MSR1: variants seen among roughly 807,000 people sequenced by gnomAD.
The protein encoded by MSR1 is macrophage scavenger receptor 1, also known as macrophage scavenger receptor types I and II.
Under a neutral mutation model 47.2 loss-of-function variants are expected in MSR1, and 53 were observed. The ratio of observed to expected loss-of-function variants is 1.12; its 90% CI spans 0.90 to 1.41. MSR1 has a LOEUF of 1.41. MSR1 is among the 40% of genes most tolerant of loss of function. The probability of loss-of-function intolerance (pLI) is 0.00; values close to 1 mark genes in which losing one functional copy is unlikely to be tolerated. For missense variants in MSR1, 786 were observed against 546.9 expected, an observed-to-expected ratio of 1.44 and a Z score of -4.36; for synonymous variants, 239 against 185.6, an observed-to-expected ratio of 1.29 and a Z score of -2.34.
intron 9 of MSR1, among the ~76,000 whole-genome samples, chr8:16,117,605 A>G (rs1167842148): frequency 6.6e-6 from 1 of 152,172 alleles, no homozygotes; most frequent in Non-Finnish European, 1.5e-5. Flanking sequence ...CTTTCGAAGC[A>G]GAATATCCTG....
intron 8 of MSR1, among the ~76,000 whole-genome samples, chr8:16,142,288 G>A (rs919145012): frequency 6.6e-6 from 1 of 152,058 alleles, no homozygotes; most frequent in Non-Finnish European, 1.5e-5. Flanking sequence ...CCGAGATGGT[G>A]CCACTGCACT....
chr8:16,136,611 G>A (rs1800396833), intron 8 of MSR1, among the ~76,000 whole-genome samples: 1 of 151,938 alleles, frequency 6.6e-6, no homozygotes, highest in African/African-American at 2.4e-5. Flanking sequence ...ATGGAATGCT[G>A]CATTTTTTTT....
chr8:16,129,017 C>T (rs1034957543), intron 8 of MSR1, among the ~76,000 whole-genome samples: 17 of 151,926 alleles, frequency 1.1e-4, no homozygotes, highest in African/African-American at 3.6e-4. Context: ...GGGAAGAGTT[C>T]GAGGTGGAAG....
At chr8:16,119,778 G>C (rs1799953929) in intron 9 of MSR1, among the ~76,000 whole-genome samples, 1 of 151,486 alleles carries the variant, frequency 6.6e-6, no homozygotes, top group Admixed American at 6.6e-5. Context: ...CGTGACCATA[G>C]CTCATGTAAC....
intron 1 of MSR1, among the ~76,000 whole-genome samples, chr8:16,191,563 A>T (rs961645163): frequency 2.0e-5 from 3 of 146,536 alleles, no homozygotes; most frequent in African/African-American, 8.1e-5. Flanking sequence ...TTCTCACGGA[A>T]TCTTCATGAG....
At chr8:16,171,228 C>CAAAAAAAA (rs34662759) in intron 3 of MSR1, among the ~76,000 whole-genome samples, 6 of 75,432 alleles carry the variant, frequency 8.0e-5, no homozygotes, top group African/African-American at 2.9e-4. Flanking sequence ...GACTCAGTCT[C>CAAAAAAAA]AAAAAAAAAA....
chr8:16,172,552 C>T (rs1429205760), intron 3 of MSR1, among the ~76,000 whole-genome samples: 2 of 152,066 alleles, frequency 1.3e-5, no homozygotes, highest in Non-Finnish European at 2.9e-5. Context: ...TGTGCAACAA[C>T]CTACGGACAG....
intron 8 of MSR1, among the ~76,000 whole-genome samples, chr8:16,139,162 T>G (rs893514786): frequency 1.3e-5 from 2 of 152,224 alleles, no homozygotes; most frequent in African/African-American, 4.8e-5. Context: ...ATCTTTTCTT[T>G]TTCTCGAGCA....
chr8:16,117,034 C>A lies in MSR1; in HGVS notation c.1222+3384G>T, dbSNP rs115625457. 2.4e-3 allele frequency among the ~76,000 whole-genome samples: 369 copies of A among 152,256 alleles called. 1 individual carries two copies. Among genetic ancestry groups the A allele is most frequent in the African/African-American group, 8.3e-3 (345 of 41,564 alleles). On this transcript the variant is annotated intron_variant, in intron 9 of 9. Coordinates refer to ENST00000262101, the MANE Select transcript of MSR1 (RefSeq NM_138715.3). ...TCACCTCAGCCACTGTACTACTGGG[C>A]TAGTTTCTTAAAGCAGGGGTCCCCA...
rs945349996 is a variant in MSR1, at chr8:16,140,080, T to C, written c.1033+3478A>G. On this transcript the variant is annotated intron_variant, in intron 8 of 9. Transcript: ENST00000262101. ...CTCATGGAGGTACATAATGGACATGTGAATTAATGATTGAATGAATGGATT... is the reference window on the plus strand; with the variant it reads ...CTCATGGAGGTACATAATGGACATGCGAATTAATGATTGAATGAATGGATT... 5.3e-5 allele frequency: 47 copies of C among 887,704 alleles called. 1 individual carries two copies. Among genetic ancestry groups the C allele is most frequent in the Non-Finnish European group, 5.8e-5 (46 of 788,712 alleles). 55.0% of individuals were successfully genotyped at this position (887,704 alleles called of 1,614,324 possible).
intron 3 of MSR1, 125 bp downstream of exon 3, chr8:16,175,062 C>A (rs911937414): frequency 9.1e-6 from 7 of 765,916 alleles, no homozygotes; most frequent in Middle Eastern, 2.3e-4. Flanking sequence ...TTGAAGGACA[C>A]TTTGTAATGC....
intron 9 of MSR1, among the ~76,000 whole-genome samples, chr8:16,116,145 A>G (rs1410193412): frequency 6.6e-6 from 1 of 152,166 alleles, no homozygotes; most frequent in Non-Finnish European, 1.5e-5. Context: ...GCTAGCAGTG[A>G]TCTCCTTCAG....
chr8:16,110,082 G>A lies in MSR1; in HGVS notation c.*3C>T, dbSNP rs754345380. ...TCATAGTTGTGAATGAAAATATGAT[G>A]CATTATAAAGTGCAAGTGACTCCAG... On this transcript the variant is annotated 3_prime_UTR_variant, in exon 10 of 10. Coordinates refer to ENST00000262101, the MANE Select transcript of MSR1 (RefSeq NM_138715.3). 4.3e-6 allele frequency: 7 copies of A among 1,613,318 alleles called. No individual in the cohort carries two copies. In the Admixed American group the frequency reaches 6.7e-5, roughly 15 times the overall value.
At chr8:16,188,312 T>C (rs414725) in intron 1 of MSR1, among the ~76,000 whole-genome samples, 27,664 of 151,892 alleles carry the variant, frequency 0.18, 3,940 homozygotes, top group African/African-American at 0.39. Context: ...AGGATGAAAT[T>C]TCTGTCATCT....
intron 8 of MSR1, among the ~76,000 whole-genome samples, chr8:16,126,700 T>G (rs368206017): frequency 1.3e-5 from 2 of 152,100 alleles, no homozygotes; most frequent in Non-Finnish European, 2.9e-5. Flanking sequence ...AGACAAGTAT[T>G]TGGGACAGAG....
intron 1 of MSR1, among the ~76,000 whole-genome samples, chr8:16,190,762 C>T (rs1585206271): frequency 6.9e-6 from 1 of 144,048 alleles, no homozygotes; most frequent in African/African-American, 2.8e-5. Flanking sequence ...GCTCTTGTTG[C>T]CCAGGCTGGA....
intron 2 of MSR1, among the ~76,000 whole-genome samples, chr8:16,176,227 C>T (rs940978158): frequency 4.6e-5 from 7 of 152,132 alleles, no homozygotes; most frequent in African/African-American, 1.7e-4. Flanking sequence ...AAGAGAAGAG[C>T]TGGATGCAGT....
intron 4 of MSR1, among the ~76,000 whole-genome samples, chr8:16,166,205 C>T (rs1801304251): frequency 8.2e-6 from 1 of 122,544 alleles, no homozygotes; most frequent in African/African-American, 3.1e-5. Flanking sequence ...GAGTCTCGCA[C>T]TGTCACCCAG....
chr8:16,125,873 C>A (rs1022660241), intron 8 of MSR1, among the ~76,000 whole-genome samples: 4 of 152,060 alleles, frequency 2.6e-5, no homozygotes, highest in Non-Finnish European at 4.4e-5. Context: ...CTCAAGTGAT[C>A]CTCCTGCCTT....
Sources: gnomAD v4.1 joint callset for allele counts (sites outside exome capture counted in the v4.1 genomes callset) on GRCh38, gnomAD v4.1.1 for gene constraint, MANE v1.5 for transcripts, NCBI Gene and HGNC (gene_info 2026-07-23, HGNC 2026-07-21) for gene names.